The following MAGEC3 variants were observed in gnomAD, a reference collection of about 807,000 sequenced individuals.
MAGEC3 encodes melanoma-associated antigen C3.
MAGEC3 carries 34 observed loss-of-function variants against 35.3 expected under a neutral mutation model. The ratio of observed to expected loss-of-function variants is 0.96; its 90% CI spans 0.73 to 1.28. MAGEC3 has a LOEUF of 1.28. MAGEC3 is among the 50% of genes most tolerant of loss of function. The pLI, the probability that MAGEC3 is intolerant of heterozygous loss-of-function variation, is 0.00. For missense variants in MAGEC3, 561 were observed against 483.6 expected, an observed-to-expected ratio of 1.16 and a Z score of -1.50; for synonymous variants, 202 against 185.6, an observed-to-expected ratio of 1.09 and a Z score of -0.72.
intron 3 of MAGEC3, among the ~76,000 whole-genome samples, chrX:141,881,107 T>G (rs1300190131): frequency 9.0e-6 from 1 of 111,660 alleles, no homozygotes; most frequent in Non-Finnish European, 1.9e-5. Context: ...CTCCATTTCC[T>G]CTTCCTCTTT....
In MAGEC3 at chrX:141,896,864, T is replaced by C. The variant is rs769228800; in HGVS notation, c.1124-18T>C. 3 of 1,193,903 alleles carry C rather than the reference T, an allele frequency of 2.5e-6. No homozygotes were observed. The Admixed American group carries it at 7.0e-5, about 28-fold the overall frequency. ...TTGTCCTCACCCTTACCCTCTACTC[T>C]CATTCTGGGTGTTCCAGAAGATGAG... On this transcript the variant is annotated intron_variant, in intron 6 of 7. Coordinates refer to ENST00000298296, the MANE Select transcript of MAGEC3 (RefSeq NM_138702.1).
intron 1 of MAGEC3, among the ~76,000 whole-genome samples, chrX:141,846,210 T>TG (rs1212446375): frequency 9.2e-6 from 1 of 109,073 alleles, no homozygotes; most frequent in Non-Finnish European, 1.9e-5. Context: ...ACCAGTGTTT[T>TG]TTTTTTTTTT....
chrX:141,889,355 C>T (rs1460871635), intron 4 of MAGEC3, among the ~76,000 whole-genome samples: 2 of 111,672 alleles, frequency 1.8e-5, no homozygotes, highest in African/African-American at 6.5e-5. Flanking sequence ...CCTAGGGACC[C>T]ACTAGCAACA....
chrX:141,892,433 A>G (rs2018049344), intron 4 of MAGEC3, among the ~76,000 whole-genome samples: 1 of 111,882 alleles, frequency 8.9e-6, no homozygotes, highest in African/African-American at 3.2e-5. Context: ...GGACAAGTAC[A>G]TATAATTACT....
chrX:141,864,574 T>C (rs754739779), intron 1 of MAGEC3, among the ~76,000 whole-genome samples: 68 of 110,972 alleles, frequency 6.1e-4, no homozygotes, highest in African/African-American at 2.1e-3. Flanking sequence ...AGCTAAATTA[T>C]GAGAACACAT....
At position 141,893,250 on chromosome X, in the gene MAGEC3, A is replaced by C. The variant is rs1036473884; in HGVS notation, c.910-2019A>C. ...CTTTCAGTCATTGTTAGTAGGACAG[A>C]CCTGGAGGAATCATAAAAGCATAAG... On this transcript the variant is annotated intron_variant, in intron 4 of 7. Transcript: ENST00000298296. Among the ~76,000 whole-genome samples the C allele has an allele frequency of 6.1e-4, 68 of 111,992 alleles. No homozygotes were observed. The Admixed American group carries it at 6.4e-3, about 10-fold the overall frequency.
chrX:141,862,918 A>G (rs1259741099), intron 1 of MAGEC3, among the ~76,000 whole-genome samples: 2 of 111,512 alleles, frequency 1.8e-5, no homozygotes, highest in Non-Finnish European at 3.8e-5. Context: ...ATGTATTGTA[A>G]TTTTCAAAAT....
intron 1 of MAGEC3, among the ~76,000 whole-genome samples, chrX:141,854,574 T>C (rs1263253119): frequency 9.0e-6 from 1 of 111,371 alleles, no homozygotes; most frequent in Non-Finnish European, 1.9e-5. Flanking sequence ...TTCTGCTTTT[T>C]CGTCTTCCTC....
intron 1 of MAGEC3, among the ~76,000 whole-genome samples, chrX:141,863,750 G>C (rs774719271): frequency 8.0e-5 from 9 of 111,831 alleles, no homozygotes; most frequent in Non-Finnish European, 1.7e-4. Flanking sequence ...CCTTGGGGAA[G>C]TGCAAATTAA....
chrX:141,894,127 A>G (rs1006301348), intron 4 of MAGEC3, among the ~76,000 whole-genome samples: 1 of 111,878 alleles, frequency 8.9e-6, no homozygotes, highest in Admixed American at 9.5e-5. Context: ...CAAACAGAGC[A>G]TAGTTGCTAG....
At chrX:141,852,283 T>C (rs1293414111) in intron 1 of MAGEC3, among the ~76,000 whole-genome samples, 2 of 110,836 alleles carry the variant, frequency 1.8e-5, no homozygotes, top group African/African-American at 3.3e-5. Context: ...ATTGAGCTTG[T>C]ATTCTGAAAC....
At chrX:141,873,771 G>T (rs1036340240) in intron 2 of MAGEC3, among the ~76,000 whole-genome samples, 1 of 111,983 alleles carries the variant, frequency 8.9e-6, no homozygotes, top group African/African-American at 3.2e-5. Flanking sequence ...TTATTGTCAA[G>T]ATGTCAATTC....
intron 2 of MAGEC3, among the ~76,000 whole-genome samples, chrX:141,871,543 TC>T (rs2017887981): frequency 9.0e-6 from 1 of 111,700 alleles, no homozygotes; most frequent in South Asian, 3.7e-4. Flanking sequence ...GAGATAAAGG[TC>T]TTTTGAATAT....
intron 1 of MAGEC3, among the ~76,000 whole-genome samples, chrX:141,851,024 A>T (rs1048124875): frequency 9.0e-6 from 1 of 111,507 alleles, no homozygotes; most frequent in Non-Finnish European, 1.9e-5. Context: ...AAGAAAAATT[A>T]ATATTAATTC....
chrX:141,885,928 C>T (rs1377007148), intron 4 of MAGEC3, among the ~76,000 whole-genome samples: 1 of 111,053 alleles, frequency 9.0e-6, no homozygotes. Flanking sequence ...GAGGGCAGCA[C>T]CTGCATCTTT....
chrX:141,875,339 T>A (rs183292251), intron 2 of MAGEC3, among the ~76,000 whole-genome samples: 20 of 111,946 alleles, frequency 1.8e-4, no homozygotes, highest in African/African-American at 5.8e-4. Context: ...TTTTAATAAG[T>A]TGTCAGCCCT....
intron 1 of MAGEC3, chrX:141,839,321 C>A (rs1245366718): frequency 4.9e-6 from 3 of 607,684 alleles, no homozygotes; most frequent in Non-Finnish European, 5.9e-6. Context: ...AAAGTGAGTA[C>A]AAAATGCCTC....
At chrX:141,861,543 C>T (rs1256996295) in intron 1 of MAGEC3, among the ~76,000 whole-genome samples, 2 of 111,462 alleles carry the variant, frequency 1.8e-5, no homozygotes, top group Non-Finnish European at 3.8e-5. Context: ...ATTGTATAAG[C>T]TATAGTAACC....
intron 1 of MAGEC3, among the ~76,000 whole-genome samples, chrX:141,853,015 C>T (rs2017760304): frequency 9.0e-6 from 1 of 111,324 alleles, no homozygotes; most frequent in African/African-American, 3.3e-5. Context: ...TAGTGAAATT[C>T]ACCAGTGAAG....
Sources: allele counts gnomAD v4.1 joint callset (sites outside exome capture counted in the v4.1 genomes callset), GRCh38; gene constraint gnomAD v4.1.1; transcripts MANE v1.5; gene names NCBI Gene and HGNC (gene_info 2026-07-23, HGNC 2026-07-21).